The following DIP2A variants were observed in gnomAD, a reference collection of about 807,000 sequenced individuals.
DIP2A encodes DIP2 acetate--CoA ligase A.
A neutral mutation model predicts 177.4 loss-of-function variants in DIP2A; 85 were observed. That is an observed-to-expected ratio of 0.48 (90% CI 0.40 to 0.57). The LOEUF is 0.57. Among genes scored for constraint, DIP2A ranks in the 20% least tolerant of loss-of-function variants. The pLI, the probability that DIP2A is intolerant of heterozygous loss-of-function variation, is 0.00. For missense variants in DIP2A, 1,791 were observed against 2,100.2 expected (o/e 0.85, Z 2.88); for synonymous variants, 886 against 881.8 (o/e 1.00, Z -0.08).
At chr21:46,466,963 T>C (rs941145727) in intron 1 of DIP2A, among the ~76,000 whole-genome samples, 1 of 152,166 alleles carries the variant, frequency 6.6e-6, no homozygotes, top group Admixed American at 6.5e-5. Context: ...GTAAAAAATA[T>C]TATTTACCTT....
intron 35 of DIP2A, among the ~76,000 whole-genome samples, chr21:46,565,064 G>A (rs533986204): frequency 1.5e-4 from 23 of 152,364 alleles, no homozygotes; most frequent in Non-Finnish European, 3.1e-4. Flanking sequence ...ACTGACCGTG[G>A]GTTCTGGACG....
At chr21:46,484,936 T>G in intron 2 of DIP2A, 108 bp downstream of exon 2, 1 of 1,048,888 alleles carries the variant, frequency 9.5e-7, no homozygotes. Flanking sequence ...TAAACCAACT[T>G]TAAACACTGG....
chr21:46,542,075 T>C (rs2059843144), intron 18 of DIP2A, among the ~76,000 whole-genome samples, 180 bp downstream of exon 18: 2 of 152,168 alleles, frequency 1.3e-5, no homozygotes, highest in Non-Finnish European at 2.9e-5. Flanking sequence ...CAGCCTCTTA[T>C]AAATACTCCA....
chr21:46,472,020 A>G (rs2148331384), intron 1 of DIP2A, among the ~76,000 whole-genome samples: 1 of 152,374 alleles, frequency 6.6e-6, no homozygotes, highest in Admixed American at 6.5e-5. Context: ...AAACAAAAGG[A>G]CACAATTGTT....
At chr21:46,558,464 T>A in intron 32 of DIP2A, 71 bp downstream of exon 32, 1 of 1,477,194 alleles carries the variant, frequency 6.8e-7, no homozygotes, top group Non-Finnish European at 9.2e-7. Context: ...TCCCAGTTGT[T>A]AATGTGCCGT....
At chr21:46,528,899 A>G (rs1247459288) in intron 8 of DIP2A, among the ~76,000 whole-genome samples, 193 bp from the exon 9 acceptor site, 1 of 152,154 alleles carries the variant, frequency 6.6e-6, no homozygotes, top group Non-Finnish European at 1.5e-5. Context: ...AGAAAAATAA[A>G]TCTGTAAGCT....
intron 4 of DIP2A, 139 bp downstream of exon 4, chr21:46,497,246 T>C: frequency 9.1e-7 from 1 of 1,095,436 alleles, no homozygotes; most frequent in African/African-American, 1.6e-5. Context: ...TAAAAATGTT[T>C]GCATATGCTC....
At chr21:46,528,527 C>CATTTT (rs2059207496) in intron 8 of DIP2A, among the ~76,000 whole-genome samples, 2 of 29,380 alleles carry the variant, frequency 6.8e-5, no homozygotes, top group African/African-American at 3.1e-4. Context: ...TTTCTGCTTG[C>CATTTT]TTTTTTTTTT....
Position 46,511,551 on chromosome 21 carries a change from C to A in DIP2A, c.1039C>A (p.Pro347Thr). 1.9e-6 allele frequency: 3 copies of A among 1,598,610 alleles called. No individual in the cohort carries two copies. Among genetic ancestry groups the A allele is most frequent in the Non-Finnish European group, 2.6e-6 (3 of 1,173,188 alleles). The change falls in exon 8 of 38, where the codon CCC (proline) becomes ACC (threonine). Residue 347 changes from proline to threonine, a missense_variant. Pro to Thr is a conservative substitution (Grantham distance 38). Transcript: ENST00000417564. ...ATLQRWGTTQ[P>T]KSPCLTALDT... Reference sequence around the variant, plus strand: ...CTTGCAGCGCTGGGGCACAACACAGCCCAAATCCCCCTGTCTGACTGCCTT... The same window carrying A: ...CTTGCAGCGCTGGGGCACAACACAGACCAAATCCCCCTGTCTGACTGCCTT...
intron 3 of DIP2A, 120 bp downstream of exon 3, chr21:46,490,839 C>T (rs1368690159): frequency 2.4e-6 from 3 of 1,261,206 alleles, no homozygotes; most frequent in African/African-American, 3.0e-5. Context: ...ATTATTTTCA[C>T]ATAAGCAGTA....
Position 46,569,945 on chromosome 21 carries a change from C to T in DIP2A, c.*2323C>T, listed in dbSNP as rs1320233328. The T allele has an allele frequency of 6.6e-6, 1 of 152,026 alleles. No homozygotes were observed. Among genetic ancestry groups the T allele is most frequent in the Non-Finnish European group, 1.5e-5 (1 of 67,988 alleles). The allele number at this position is 152,026 out of a possible 1,614,324, so 9.4% of individuals were successfully genotyped here. A position where few individuals can be genotyped will look rare whatever the true frequency, so the allele number is the denominator to read the frequency against. ...ATTTTTTCTTTTTAAAAATTTTTTA[C>T]AAAATTAGGATCAAGTGCTTTTTTA... On this transcript the variant is annotated 3_prime_UTR_variant, in exon 38 of 38. Coordinates refer to ENST00000417564, the MANE Select transcript of DIP2A (RefSeq NM_015151.4).
At chr21:46,576,798 C>T in the DIP2A span, among the ~76,000 whole-genome samples, 1 of 151,990 alleles carries the variant, frequency 6.6e-6, no homozygotes, top group South Asian at 2.1e-4. Flanking sequence ...TGTTTTTTGA[C>T]GTTTTAATAG....
chr21:46,534,729 A>G, intron 13 of DIP2A, 42 bp downstream of exon 13: 1 of 1,536,648 alleles, frequency 6.5e-7, no homozygotes, highest in Non-Finnish European at 8.9e-7. Context: ...CTCCAGCCTC[A>G]CACAGATACC....
At chr21:46,511,918 G>C (rs564391327) in intron 8 of DIP2A, among the ~76,000 whole-genome samples, 1 of 152,248 alleles carries the variant, frequency 6.6e-6, no homozygotes, top group East Asian at 1.9e-4. Context: ...ATGTATTTCT[G>C]TGTGTTTGAC....
intron 28 of DIP2A, 38 bp downstream of exon 28, chr21:46,554,971 C>CCTTT (rs2060411933): frequency 2.0e-6 from 3 of 1,534,372 alleles, no homozygotes; most frequent in Non-Finnish European, 2.6e-6. Flanking sequence ...AGTCCCTTTT[C>CCTTT]CTTTCTTTGT....
At chr21:46,550,232 C>A in intron 22 of DIP2A, 1 of 645,850 alleles carries the variant, frequency 1.5e-6, no homozygotes, top group Non-Finnish European at 2.5e-6. Flanking sequence ...AAACTTTCCT[C>A]CTCCTGTCTA....
At chr21:46,531,864 T>C (rs919755345) in intron 9 of DIP2A, among the ~76,000 whole-genome samples, 1 of 152,212 alleles carries the variant, frequency 6.6e-6, no homozygotes, top group Non-Finnish European at 1.5e-5. Context: ...TTTCCAGACC[T>C]CAAGTACAGA....
chr21:46,538,632 C>T (rs553618079), intron 16 of DIP2A, 30 bp downstream of exon 16: 1 of 1,542,822 alleles, frequency 6.5e-7, no homozygotes, highest in Non-Finnish European at 8.7e-7. Context: ...CGGCGCATAC[C>T]CCACACAGTG....
rs1030817288 is a variant in DIP2A at position 46,482,284 on chromosome 21, G to A, written c.92-2473G>A. On this transcript the variant is annotated intron_variant, in intron 1 of 37. Coordinates refer to ENST00000417564, the MANE Select transcript of DIP2A (RefSeq NM_015151.4). ...GTCATATGCCCAGTAGATGTTTCGG[G>A]CAACGATTGACCACATATATAACAG... Among the ~76,000 whole-genome samples the A allele has an allele frequency of 2.0e-5, 3 of 152,106 alleles. No individual in the cohort carries two copies. In the South Asian group the frequency reaches 6.2e-4, roughly 32 times the overall value.
Sources: gnomAD v4.1 joint callset for allele counts (sites outside exome capture counted in the v4.1 genomes callset) on GRCh38, gnomAD v4.1.1 for gene constraint, MANE v1.5 for transcripts, NCBI Gene and HGNC (gene_info 2026-07-23, HGNC 2026-07-21) for gene names.